Variants in ECE1 observed in about 807,000 individuals in gnomAD.
ECE1 encodes endothelin converting enzyme 1, also known as endothelin-converting enzyme 1.
A neutral mutation model predicts 98.6 loss-of-function variants in ECE1; 35 were observed. The ratio of observed to expected loss-of-function variants is 0.35; its 90% CI spans 0.27 to 0.47. The LOEUF (loss-of-function observed/expected upper bound fraction) is 0.47. Ranked by LOEUF, ECE1 falls within the 20% of genes least tolerant of loss-of-function variation. The pLI is 1.00. For missense variants in ECE1, 814 were observed against 1,025.3 expected, an observed-to-expected ratio of 0.79 and a Z score of 2.81; for synonymous variants, 394 against 407.1, an observed-to-expected ratio of 0.97 and a Z score of 0.39.
intron 1 of ECE1, among the ~76,000 whole-genome samples, chr1:21,341,695 G>C (rs1476418877): frequency 6.6e-6 from 1 of 152,216 alleles, no homozygotes; most frequent in Non-Finnish European, 1.5e-5. Context: ...GGCTGCCCAG[G>C]GTGAAGTACG....
rs2098166079 is a variant in ECE1, at chr1:21,220,597, G to A, written c.2137-466C>T. 6.6e-6 allele frequency among the ~76,000 whole-genome samples: 1 copy of A among 152,140 alleles called. No individual in the cohort carries two copies. The highest frequency in any genetic ancestry group is 6.6e-5 in the Admixed American group (1 of 15,260). On this transcript the variant is annotated intron_variant, in intron 18 of 18. Coordinates refer to ENST00000374893, the MANE Select transcript of ECE1 (RefSeq NM_001397.3). This position sits in a 1 kb window ranked among gnomAD's most constrained non-coding sequence, Gnocchi z 5.0. ...GGATCACTTGAGGCCAGGAGTTCGA[G>A]ACCGGCCTGACAAACATGGTGAAAC...
intron 1 of ECE1, among the ~76,000 whole-genome samples, chr1:21,314,008 G>A (rs12116775): frequency 0.035 from 5,270 of 152,236 alleles, 96 homozygotes; most frequent in South Asian, 0.071. Flanking sequence ...GCTGCTAAAC[G>A]GTAACACCAA....
At chr1:21,273,839 G>A (rs2098243410) in intron 3 of ECE1, among the ~76,000 whole-genome samples, 1 of 152,224 alleles carries the variant, frequency 6.6e-6, no homozygotes, top group Admixed American at 6.5e-5. Flanking sequence ...TGGGGGATAA[G>A]AGCGAGGAGA....
chr1:21,251,240 G>A (rs1404463472), intron 8 of ECE1, among the ~76,000 whole-genome samples: 3 of 152,108 alleles, frequency 2.0e-5, no homozygotes, highest in South Asian at 2.1e-4. Flanking sequence ...CGCCGGGCAC[G>A]GTGGCTCATG....
intron 10 of ECE1, among the ~76,000 whole-genome samples, chr1:21,244,621 C>T (rs2098200751): frequency 1.3e-5 from 2 of 152,164 alleles, no homozygotes; most frequent in African/African-American, 4.8e-5. Flanking sequence ...AAAATAATAA[C>T]ACTGAACAGT....
At chr1:21,244,702 T>C (rs757186363) in intron 10 of ECE1, among the ~76,000 whole-genome samples, 2 of 152,182 alleles carry the variant, frequency 1.3e-5, no homozygotes, top group Non-Finnish European at 2.9e-5. Context: ...ATACTATTGG[T>C]GGTCCCCTGT....
chr1:21,258,837 G>A lies in ECE1; in HGVS notation c.618C>T (p.Leu206=), dbSNP rs368237192. ...AKPLMELIER[L]GGWNITGPWA... is the part of the protein sequence containing the mutation. The stretch of plus-strand genomic sequence containing the variant: ...AGGGACCTGTGATGTTCCAGCCCCC[G>A]AGCTGTGGGGAGGGAGAGCAGGCAG... The change falls in exon 6 of 19, where the codon CTC becomes CTT. Residue 206 remains leucine (L), a splice_region_variant and synonymous_variant. Coordinates refer to ENST00000374893, the MANE Select transcript of ECE1 (RefSeq NM_001397.3). This position sits in a 1 kb window ranked among gnomAD's most constrained non-coding sequence, Gnocchi z 4.2. 85 of 1,614,000 alleles carry A rather than the reference G, an allele frequency of 5.3e-5. No homozygotes were observed. Among genetic ancestry groups the A allele is most frequent in the Non-Finnish European group, 6.9e-5 (81 of 1,180,026 alleles).
chr1:21,218,596 C>CT lies in ECE1; in HGVS notation c.*1358dup, dbSNP rs1558359026. ...GGGAGGTGACAGCTGTTTCTCTTTT[C>CT]TTTTTTTTGGGACGGAGTCTCCCTC... is the stretch of plus-strand genomic sequence containing the variant. On this transcript the variant is annotated 3_prime_UTR_variant, in exon 19 of 19. Coordinates refer to ENST00000374893, the MANE Select transcript of ECE1 (RefSeq NM_001397.3). The surrounding 1 kb of genome is among the most constrained non-coding windows in gnomAD (Gnocchi z 4.0). The CT allele has an allele frequency of 2.6e-5, 4 of 152,230 alleles. No homozygotes were observed. The highest frequency in any genetic ancestry group is 5.9e-5 in the Non-Finnish European group (4 of 68,210). The allele number at this position is 152,230 out of a possible 1,614,324, so 9.4% of individuals were successfully genotyped here.
rs960984899 is a variant in ECE1 at position 21,238,396 on chromosome 1, A to T, written c.1279-152T>A. The T allele has an allele frequency of 1.4e-5, 10 of 696,122 alleles. No homozygotes were observed. In the South Asian group the frequency reaches 1.6e-4, roughly 11 times the overall value. The allele number at this position is 696,122 out of a possible 1,614,324, so 43.1% of individuals were successfully genotyped here. Reference sequence around the variant, plus strand: ...CCAGTAAAGTTATTTTAGTCACCGGACCAAGAGGCCACTGATACCCTCACT... The same window carrying T: ...CCAGTAAAGTTATTTTAGTCACCGGTCCAAGAGGCCACTGATACCCTCACT... On this transcript the variant is annotated intron_variant, in intron 10 of 18. Transcript: ENST00000374893.
intron 8 of ECE1, among the ~76,000 whole-genome samples, chr1:21,250,730 G>A (rs212519): frequency 0.15 from 22,850 of 152,216 alleles, 1,902 homozygotes; most frequent in African/African-American, 0.21. Context: ...TGCTGAGGCC[G>A]GGCGCGGTGG....
At chr1:21,282,663 A>C (rs2098256184) in intron 2 of ECE1, among the ~76,000 whole-genome samples, 1 of 151,810 alleles carries the variant, frequency 6.6e-6, no homozygotes, top group African/African-American at 2.4e-5. Context: ...AGGGAGCCAA[A>C]GGATGCAGCC....
chr1:21,336,938 G>A (rs1433340885), intron 1 of ECE1, among the ~76,000 whole-genome samples: 1 of 152,116 alleles, frequency 6.6e-6, no homozygotes, highest in African/African-American at 2.4e-5. Context: ...GGCTGAGACA[G>A]GGGCAGGAGA....
rs1400063082 is a variant in ECE1 at position 21,312,139 on chromosome 1, AAAT to A, written c.4-21986_4-21984del. The stretch of plus-strand genomic sequence containing the variant: ...TTCTGTCTCAAAAAAAAAAAAAAAA[AAAT>A]TTTTTTTTTAATTAGTCTGGTGTGG... On this transcript the variant is annotated intron_variant, in intron 1 of 18. Transcript: ENST00000415912. Among the ~76,000 whole-genome samples, 464 of 150,084 alleles carry A rather than the reference AAAT, an allele frequency of 3.1e-3. 1 individual carries two copies. Among genetic ancestry groups the A allele is most frequent in the African/African-American group, 0.01 (413 of 40,532 alleles).
Position 21,258,934 on chromosome 1 carries a change from G to T in ECE1, c.616-95C>A. ...GCCGCTGACTTGCTCTGTGACCCTGGAGCAGTCGCCTGACCTCTCTGAGCC... is the reference window on the plus strand; with the variant it reads ...GCCGCTGACTTGCTCTGTGACCCTGTAGCAGTCGCCTGACCTCTCTGAGCC... On this transcript the variant is annotated intron_variant, in intron 5 of 18. Transcript: ENST00000374893. The surrounding 1 kb of genome is among the most constrained non-coding windows in gnomAD (Gnocchi z 4.2). 1 of 1,537,590 alleles carries T rather than the reference G, an allele frequency of 6.5e-7. No homozygotes were observed. Among genetic ancestry groups the T allele is most frequent in the East Asian group, 2.4e-5 (1 of 42,284 alleles).
chr1:21,231,267 TACC>T (rs1434560155), intron 14 of ECE1, among the ~76,000 whole-genome samples: 2 of 152,296 alleles, frequency 1.3e-5, no homozygotes, highest in East Asian at 3.9e-4. Context: ...GTGAGATGGG[TACC>T]ACATTTCCTC....
At chr1:21,333,224 G>A (rs1454666551) in intron 1 of ECE1, among the ~76,000 whole-genome samples, 1 of 152,110 alleles carries the variant, frequency 6.6e-6, no homozygotes, top group Non-Finnish European at 1.5e-5. Flanking sequence ...GATGCAGAAG[G>A]TGGGGGGAGC....
In ECE1 at chr1:21,247,361, G is replaced by A; in HGVS notation, c.1023C>T (p.Thr341=). The change falls in exon 9 of 19, where the codon ACC becomes ACT. Residue 341 remains threonine (T), a splice_region_variant and synonymous_variant. Transcript: ENST00000374893. ...GCAACCAGTTGATGGCGGGTGCCAA[G>A]GTCTGCAAGGGAAAAGGACAGTGTG... The part of the protein sequence containing the change: ...YHKVTAAELQ[T]LAPAINWLPF... 4 of 1,614,202 alleles carry A rather than the reference G, an allele frequency of 2.5e-6. No individual in the cohort carries two copies. Among genetic ancestry groups the A allele is most frequent in the Non-Finnish European group, 3.4e-6 (4 of 1,180,040 alleles).
Position 21,225,551 on chromosome 1 carries a change from A to G in ECE1, c.1850-111T>C. ...GTTCATCCGTCCACCCCCGTCCTCC[A>G]GCCACCATGGGGAGACGAGGTCCCT... On this transcript the variant is annotated intron_variant, in intron 16 of 18. Coordinates refer to ENST00000374893, the MANE Select transcript of ECE1 (RefSeq NM_001397.3). The surrounding 1 kb of genome is among the most constrained non-coding windows in gnomAD (Gnocchi z 5.3). 5.4e-6 allele frequency: 7 copies of G among 1,290,638 alleles called. No individual in the cohort carries two copies. The highest frequency in any genetic ancestry group is 7.5e-6 in the Non-Finnish European group (7 of 930,386). The allele number at this position is 1,290,638 out of a possible 1,614,324, so 79.9% of individuals were successfully genotyped here.
Position 21,233,474 on chromosome 1 carries a change from G to T in ECE1, c.1670+84C>A, listed in dbSNP as rs1037856399. 8.3e-7 allele frequency: 1 copy of T among 1,198,810 alleles called. No individual in the cohort carries two copies. The highest frequency in any genetic ancestry group is 1.2e-6 in the Non-Finnish European group (1 of 813,660). 74.3% of individuals were successfully genotyped at this position (1,198,810 alleles called of 1,614,324 possible). A position where few individuals can be genotyped will look rare whatever the true frequency, so the allele number is the denominator to read the frequency against. ...TGATAGCTGATCGGGTGCACAGTGA[G>T]GGTGCAATGAAGGCCAGTTCGTCCC... On this transcript the variant is annotated intron_variant, in intron 14 of 18. Transcript: ENST00000374893. This position sits in a 1 kb window ranked among gnomAD's most constrained non-coding sequence, Gnocchi z 4.0.
Sources: allele counts gnomAD v4.1 joint callset (sites outside exome capture counted in the v4.1 genomes callset), GRCh38; gene constraint gnomAD v4.1.1; non-coding constraint Gnocchi (gnomAD v3.1); transcripts MANE v1.5; gene names NCBI Gene and HGNC (gene_info 2026-07-23, HGNC 2026-07-21).